SFXN2: variants seen among roughly 807,000 people sequenced by gnomAD.
SFXN2 encodes the protein sideroflexin 2.
A neutral mutation model predicts 41.9 loss-of-function variants in SFXN2; 37 were observed. The observed-to-expected ratio is 0.88, with a 90% CI of 0.68 to 1.16. The LOEUF is 1.16. Among genes scored for constraint, SFXN2 ranks in the 50% most tolerant of loss-of-function variants. The probability of loss-of-function intolerance (pLI) is 0.00; values close to 1 mark genes in which losing one functional copy is unlikely to be tolerated. For missense variants in SFXN2, 386 were observed against 425.2 expected, an observed-to-expected ratio of 0.91 and a Z score of 0.81; for synonymous variants, 150 against 156.7, an observed-to-expected ratio of 0.96 and a Z score of 0.32.
intron 1 of SFXN2, among the ~76,000 whole-genome samples, chr10:102,722,912 G>A (rs868164481): frequency 1.6e-5 from 2 of 128,976 alleles, no homozygotes; most frequent in South Asian, 5.2e-4. Context: ...TGTTTTGTTT[G>A]TCCAAGAAAG....
chr10:102,725,587 ACT>A (rs1444905222), intron 1 of SFXN2, among the ~76,000 whole-genome samples: 1 of 151,910 alleles, frequency 6.6e-6, no homozygotes, highest in Non-Finnish European at 1.5e-5. Context: ...AAATAATGAG[ACT>A]CTGTCTCTAA....
chr10:102,743,036 G>A lies in SFXN2; in HGVS notation c.*5274G>A, dbSNP rs1309011752. 2.0e-5 allele frequency: 3 copies of A among 152,240 alleles called. No individual in the cohort carries two copies. Among genetic ancestry groups the A allele is most frequent in the Non-Finnish European group, 2.9e-5 (2 of 68,058 alleles). The allele number at this position is 152,240 out of a possible 1,614,324, so 9.4% of individuals were successfully genotyped here. ...GGAATGTGTGGGAAAATGTAGTGGT[G>A]AGAGGTGAGATAAAGAGAAGTAGAC... is the stretch of plus-strand genomic sequence containing the variant. On this transcript the variant is annotated 3_prime_UTR_variant, in exon 12 of 12. Transcript: ENST00000369893.
intron 11 of SFXN2, among the ~76,000 whole-genome samples, chr10:102,736,423 AT>A (rs35797507): frequency 3.2e-3 from 404 of 124,756 alleles, no homozygotes; most frequent in Admixed American, 6.5e-3. Context: ...TGCCCAGCTC[AT>A]TTTTTTTTTT....
intron 4 of SFXN2, 123 bp downstream of exon 4, chr10:102,728,652 C>T: frequency 1.3e-6 from 1 of 780,812 alleles, no homozygotes; most frequent in South Asian, 1.5e-5. Context: ...GTCACCCTTT[C>T]CCAGGGTTTG....
chr10:102,724,090 T>C (rs994091955), intron 1 of SFXN2, among the ~76,000 whole-genome samples: 4 of 148,696 alleles, frequency 2.7e-5, no homozygotes, highest in African/African-American at 1.0e-4. Flanking sequence ...TTTTCTTACT[T>C]ATAAATGTGA....
intron 6 of SFXN2, 50 bp downstream of exon 6, chr10:102,729,858 A>T (rs754856819): frequency 6.2e-7 from 1 of 1,600,540 alleles, no homozygotes; most frequent in East Asian, 2.2e-5. Flanking sequence ...TTAGCAGAAA[A>T]GGGGCAAGAA....
At chr10:102,727,229 A>C in intron 3 of SFXN2, 72 bp downstream of exon 3, 1 of 1,448,254 alleles carries the variant, frequency 6.9e-7, no homozygotes, top group South Asian at 1.3e-5. Context: ...ATACTATGAT[A>C]ATAATAATAG....
At position 102,719,374 on chromosome 10, in the gene SFXN2, A is replaced by G. The variant is rs1000197128; in HGVS notation, c.-26+4693A>G. ...ATAGCTAGGATGATAGGTGCCTGCCACCACGCCCAGCTAATTTTTGTATTT... is the reference window on the plus strand; with the variant it reads ...ATAGCTAGGATGATAGGTGCCTGCCGCCACGCCCAGCTAATTTTTGTATTT... On this transcript the variant is annotated intron_variant, in intron 1 of 11. Coordinates refer to ENST00000369893, the MANE Select transcript of SFXN2 (RefSeq NM_178858.6). Among the ~76,000 whole-genome samples, 111 of 149,818 alleles carry G rather than the reference A, an allele frequency of 7.4e-4. 1 individual carries two copies. The highest frequency in any genetic ancestry group is 2.7e-3 in the Admixed American group (41 of 15,028).
intron 6 of SFXN2, 67 bp from the exon 7 acceptor site, chr10:102,731,656 C>T: frequency 7.0e-7 from 1 of 1,425,616 alleles, no homozygotes; most frequent in Non-Finnish European, 9.8e-7. Flanking sequence ...GGTCCCCTGG[C>T]ATGTCATGTG....
chr10:102,718,545 G>C (rs1307671660), intron 1 of SFXN2, among the ~76,000 whole-genome samples: 2 of 152,246 alleles, frequency 1.3e-5, no homozygotes, highest in Admixed American at 6.5e-5. Flanking sequence ...GGGGAAGTCT[G>C]TTTTGGCAGT....
At chr10:102,720,317 A>AAAAC (rs1564738834) in intron 1 of SFXN2, among the ~76,000 whole-genome samples, 2 of 129,924 alleles carry the variant, frequency 1.5e-5, no homozygotes, top group Non-Finnish European at 3.1e-5. Flanking sequence ...AAAAAAAAAA[A>AAAAC]CCCATGGCAG....
At chr10:102,729,554 G>A (rs2064668105) in intron 5 of SFXN2, 160 bp downstream of exon 5, 1 of 1,118,612 alleles carries the variant, frequency 8.9e-7, no homozygotes, top group Non-Finnish European at 1.3e-6. Flanking sequence ...CCGTCCCCAG[G>A]TTGGTTCTTC....
intron 3 of SFXN2, 96 bp from the exon 4 acceptor site, chr10:102,728,335 G>A (rs1351447250): frequency 1.1e-6 from 1 of 926,550 alleles, no homozygotes; most frequent in Non-Finnish European, 1.8e-6. Flanking sequence ...TGGGAACAGT[G>A]TGGGGACCTG....
At chr10:102,719,968 C>T (rs1024031545) in intron 1 of SFXN2, among the ~76,000 whole-genome samples, 5 of 152,032 alleles carry the variant, frequency 3.3e-5, no homozygotes, top group African/African-American at 9.7e-5. Context: ...TTGGAAAGGA[C>T]CTGAGACAGG....
chr10:102,732,663 A>G, intron 8 of SFXN2, among the ~76,000 whole-genome samples, 196 bp from the exon 9 acceptor site: 1 of 152,186 alleles, frequency 6.6e-6, no homozygotes, highest in Admixed American at 6.5e-5. Context: ...CTTGGGAAGC[A>G]CTGTTCTGCC....
At chr10:102,737,250 G>A (rs897084449) in intron 11 of SFXN2, among the ~76,000 whole-genome samples, 4 of 152,154 alleles carry the variant, frequency 2.6e-5, no homozygotes, top group Non-Finnish European at 5.9e-5. Flanking sequence ...CAAGAAGGAG[G>A]AAGCAGGGAG....
At chr10:102,731,087 CA>C (rs1345263548) in intron 6 of SFXN2, among the ~76,000 whole-genome samples, 3 of 137,646 alleles carry the variant, frequency 2.2e-5, no homozygotes, top group Non-Finnish European at 3.2e-5. Flanking sequence ...GACTCCATCA[CA>C]AAAAAAAAAC....
chr10:102,721,073 C>T (rs1319609539), intron 1 of SFXN2, among the ~76,000 whole-genome samples: 1 of 152,182 alleles, frequency 6.6e-6, no homozygotes, highest in Non-Finnish European at 1.5e-5. Context: ...ACCCGCGTTG[C>T]TCCCTCTCCC....
At chr10:102,726,388 G>A in intron 1 of SFXN2, 1 of 525,520 alleles carries the variant, frequency 1.9e-6, no homozygotes, top group South Asian at 2.2e-5. Flanking sequence ...AGTCCCTCCT[G>A]CTGTATGGTC....
Sources: allele counts gnomAD v4.1 joint callset (sites outside exome capture counted in the v4.1 genomes callset), GRCh38; gene constraint gnomAD v4.1.1; transcripts MANE v1.5; gene names NCBI Gene and HGNC (gene_info 2026-07-23, HGNC 2026-07-21).